Variants in TEX36 observed in about 807,000 individuals in gnomAD.
The protein encoded by TEX36 is testis expressed 36.
A neutral mutation model predicts 13.6 loss-of-function variants in TEX36; 12 were observed. The observed-to-expected ratio is 0.88, with a 90% confidence interval of 0.56 to 1.43. TEX36 has a LOEUF of 1.43. Ranked by LOEUF, TEX36 falls within the 40% of genes most tolerant of loss-of-function variation. The probability of loss-of-function intolerance (pLI) is 0.00; values close to 1 mark genes in which losing one functional copy is unlikely to be tolerated. For synonymous variants in TEX36, 93 were observed against 83.0 expected, an observed-to-expected ratio of 1.12 and a Z score of -0.65; for missense variants, 224 against 228.3, an observed-to-expected ratio of 0.98 and a Z score of 0.12.
At position 125,601,758 on chromosome 10, in the gene TEX36, G is replaced by C. The variant is rs1323895950; in HGVS notation, c.265-24884C>G. ...TTTTATATCTGAGTTGTGACCCTGG[G>C]ACGATTTGGGGGATGTTGATGTATC... On this transcript the variant is annotated intron_variant, in intron 3 of 3. Transcript: ENST00000532135. Among the ~76,000 whole-genome samples the C allele has an allele frequency of 2.0e-5, 3 of 152,186 alleles. No homozygotes were observed. The East Asian group carries it at 5.8e-4, about 29-fold the overall frequency.
chr10:125,632,642 C>G (rs952622364), intron 3 of TEX36, among the ~76,000 whole-genome samples: 2 of 152,154 alleles, frequency 1.3e-5, no homozygotes, highest in Non-Finnish European at 2.9e-5. Context: ...AGCGGGAGAA[C>G]AAGCCCAGCT....
chr10:125,631,591 C>T (rs976993560), intron 3 of TEX36, among the ~76,000 whole-genome samples: 1 of 152,114 alleles, frequency 6.6e-6, no homozygotes, highest in Non-Finnish European at 1.5e-5. Flanking sequence ...CCAGGGGCAG[C>T]GTTGGGATGT....
chr10:125,618,106 C>T (rs1010341613), downstream of TEX36, among the ~76,000 whole-genome samples: 117 of 152,248 alleles, frequency 7.7e-4, no homozygotes, highest in South Asian at 3.1e-3. Flanking sequence ...GCATTCTTCA[C>T]GTAGTTCTCG....
In TEX36 at chr10:125,655,702, G is replaced by A. The variant is rs758840110; in HGVS notation, c.*198C>T. 5 of 1,255,754 alleles carry A rather than the reference G, an allele frequency of 4.0e-6. No homozygotes were observed. The East Asian group carries it at 1.2e-4, about 31-fold the overall frequency. The allele number at this position is 1,255,754 out of a possible 1,614,324, so 77.8% of individuals were successfully genotyped here. ...TTAAAACTCCCCAAAAGTAAATGTG[G>A]CCATCTGAAAAGTTTATTTACACAT... On this transcript the variant is annotated 3_prime_UTR_variant, in exon 4 of 4. Transcript: ENST00000368821.
At chr10:125,649,204 C>A (rs1846816850) in intron 3 of TEX36, among the ~76,000 whole-genome samples, 1 of 152,158 alleles carries the variant, frequency 6.6e-6, no homozygotes, top group Non-Finnish European at 1.5e-5. Context: ...ACATAATTGT[C>A]AGATTCACCA....
chr10:125,594,735 C>T (rs1846060795), intron 3 of TEX36, among the ~76,000 whole-genome samples: 2 of 152,048 alleles, frequency 1.3e-5, no homozygotes, highest in African/African-American at 4.8e-5. Context: ...GAGGGAAAGT[C>T]ACAACATATG....
intron 3 of TEX36, among the ~76,000 whole-genome samples, chr10:125,631,683 T>C (rs969057108): frequency 1.3e-5 from 2 of 151,894 alleles, no homozygotes; most frequent in African/African-American, 4.8e-5. Flanking sequence ...TCCCTTCTGG[T>C]GGGTAGGGGG....
intron 3 of TEX36, among the ~76,000 whole-genome samples, chr10:125,597,821 G>A (rs1233205488): frequency 2.0e-5 from 3 of 152,140 alleles, no homozygotes; most frequent in Non-Finnish European, 2.9e-5. Flanking sequence ...TTGGCGGGGG[G>A]CCTGGGTTTC....
chr10:125,622,965 A>G (rs1346499665), intron 3 of TEX36, among the ~76,000 whole-genome samples: 2 of 152,324 alleles, frequency 1.3e-5, no homozygotes, highest in East Asian at 3.9e-4. Context: ...CTTGCAGAAC[A>G]TAGTGTCACA....
At chr10:125,600,392 G>A (rs1266978658) in intron 3 of TEX36, among the ~76,000 whole-genome samples, 1 of 152,120 alleles carries the variant, frequency 6.6e-6, no homozygotes, top group African/African-American at 2.4e-5. Context: ...GATGTCACTA[G>A]ATGGGAGTGA....
chr10:125,661,722 G>A, intron 2 of TEX36, 124 bp downstream of exon 2: 2 of 1,281,892 alleles, frequency 1.6e-6, no homozygotes, highest in South Asian at 3.0e-5. Flanking sequence ...CAACCCTTAG[G>A]GGTCCAAGGA....
At chr10:125,631,941 G>C (rs1425936344) in intron 3 of TEX36, among the ~76,000 whole-genome samples, 1 of 152,124 alleles carries the variant, frequency 6.6e-6, no homozygotes, top group Non-Finnish European at 1.5e-5. Context: ...GCAATCAGGT[G>C]TGTATTTTAG....
chr10:125,616,220 C>T (rs1053019575), intron 3 of TEX36, among the ~76,000 whole-genome samples: 6 of 151,856 alleles, frequency 4.0e-5, no homozygotes, highest in African/African-American at 1.5e-4. Context: ...TTTGTTGATC[C>T]TTTCAAAAAA....
At chr10:125,667,334 G>A in intron 1 of TEX36, 1 of 642,238 alleles carries the variant, frequency 1.6e-6, no homozygotes, top group Non-Finnish European at 3.0e-6. Flanking sequence ...CACCTTCTTG[G>A]TCACACACTG....
At position 125,596,957 on chromosome 10, in the gene TEX36, A is replaced by G. The variant is rs148057169; in HGVS notation, c.265-20083T>C. Among the ~76,000 whole-genome samples the G allele has an allele frequency of 4.1e-3, 620 of 152,302 alleles. 4 individuals carry two copies. Among genetic ancestry groups the G allele is most frequent in the African/African-American group, 0.014 (585 of 41,552 alleles). The stretch of plus-strand genomic sequence containing the variant: ...CTCATCTGTAAAATGGGTTAAAAAT[A>G]TTACCTACTTCAAAAAGCCATTATG... On this transcript the variant is annotated intron_variant, in intron 3 of 3. Coordinates refer to the TEX36 transcript ENST00000532135.
intron 3 of TEX36, among the ~76,000 whole-genome samples, chr10:125,608,792 TA>T (rs774248710): frequency 2.0e-5 from 3 of 151,688 alleles, no homozygotes; most frequent in Non-Finnish European, 2.9e-5. Context: ...ACATTATACA[TA>T]AGGATATTAA....
chr10:125,622,477 A>T (rs1459165798), intron 3 of TEX36, among the ~76,000 whole-genome samples: 2 of 152,214 alleles, frequency 1.3e-5, no homozygotes. Context: ...ACCTTCTTCT[A>T]CGCATTCTGT....
chr10:125,592,414 C>T (rs1846032396), intron 3 of TEX36, among the ~76,000 whole-genome samples: 1 of 152,044 alleles, frequency 6.6e-6, no homozygotes, highest in South Asian at 2.1e-4. Context: ...TTTTTCTCTG[C>T]TTGTATAGAA....
chr10:125,658,561 G>GTT (rs1289438648), intron 3 of TEX36, among the ~76,000 whole-genome samples: 2 of 151,832 alleles, frequency 1.3e-5, no homozygotes, highest in African/African-American at 4.8e-5. Context: ...AACCAACAGG[G>GTT]GGGAATATAT....
Sources: gnomAD v4.1 joint callset for allele counts (sites outside exome capture counted in the v4.1 genomes callset) on GRCh38, gnomAD v4.1.1 for gene constraint, MANE v1.5 for transcripts, NCBI Gene and HGNC (gene_info 2026-07-23, HGNC 2026-07-21) for gene names.